RSPO2: variants seen among roughly 807,000 people sequenced by gnomAD.
The protein encoded by RSPO2 is R-spondin 2, also known as R-spondin-2.
A neutral mutation model predicts 30.9 loss-of-function variants in RSPO2; 14 were observed. The ratio of observed to expected loss-of-function variants is 0.45; its 90% CI spans 0.30 to 0.71. The LOEUF (loss-of-function observed/expected upper bound fraction) is 0.71, where lower values mean the gene tolerates loss of function less well. Among genes scored for constraint, RSPO2 ranks in the 30% least tolerant of loss-of-function variants. The pLI is 0.08. For synonymous variants in RSPO2, 107 were observed against 96.4 expected, an observed-to-expected ratio of 1.11 and a Z score of -0.64; for missense variants, 264 against 301.9, an observed-to-expected ratio of 0.87 and a Z score of 0.93.
intron 5 of RSPO2, among the ~76,000 whole-genome samples, chr8:107,956,870 C>T (rs147591993): frequency 1.4e-3 from 210 of 152,252 alleles, no homozygotes; most frequent in African/African-American, 4.5e-3. Flanking sequence ...TGTAAGAAAA[C>T]ATTTTCTTAT....
At chr8:108,034,036 T>C (rs1445655044) in intron 2 of RSPO2, among the ~76,000 whole-genome samples, 1 of 152,182 alleles carries the variant, frequency 6.6e-6, no homozygotes, top group Non-Finnish European at 1.5e-5. Context: ...TGAAAAGTAA[T>C]CTCTCATTAA....
intron 2 of RSPO2, among the ~76,000 whole-genome samples, chr8:107,995,976 C>T (rs1008231127): frequency 2.6e-5 from 4 of 152,158 alleles, no homozygotes; most frequent in Admixed American, 2.6e-4. Context: ...TAAGCTTATA[C>T]TATCTACAAT....
chr8:108,069,930 T>G (rs1812787653), intron 2 of RSPO2, among the ~76,000 whole-genome samples: 1 of 152,188 alleles, frequency 6.6e-6, no homozygotes. Context: ...ATACTTGTCT[T>G]CCAGTCTAGC....
chr8:107,975,797 C>T (rs1024694135), intron 3 of RSPO2, among the ~76,000 whole-genome samples: 3 of 152,154 alleles, frequency 2.0e-5, no homozygotes, highest in African/African-American at 4.8e-5. Flanking sequence ...TCTAGATATA[C>T]GGTTTTATCC....
intron 2 of RSPO2, among the ~76,000 whole-genome samples, chr8:108,075,218 C>T (rs1290957001): frequency 5.9e-5 from 9 of 152,134 alleles, no homozygotes; most frequent in East Asian, 1.9e-4. Flanking sequence ...CGGTGGCTCA[C>T]GCCTGTAATC....
intron 3 of RSPO2, among the ~76,000 whole-genome samples, chr8:107,987,795 G>C (rs887192136): frequency 1.1e-4 from 17 of 152,088 alleles, no homozygotes; most frequent in African/African-American, 3.9e-4. Context: ...ATTGTCCTTG[G>C]TTGATGTAAT....
chr8:107,909,077 C>T (rs1811740306), intron 5 of RSPO2, among the ~76,000 whole-genome samples: 1 of 152,054 alleles, frequency 6.6e-6, no homozygotes, highest in Admixed American at 6.6e-5. Flanking sequence ...GGAAAGACAG[C>T]AAATATACTA....
At chr8:108,077,932 G>T (rs572206360) in intron 2 of RSPO2, among the ~76,000 whole-genome samples, 1 of 152,056 alleles carries the variant, frequency 6.6e-6, no homozygotes, top group Non-Finnish European at 1.5e-5. Context: ...AAATCTGTCT[G>T]TCCCCTACTT....
intron 2 of RSPO2, among the ~76,000 whole-genome samples, chr8:108,030,497 A>G (rs1339624814): frequency 6.6e-6 from 1 of 152,232 alleles, no homozygotes; most frequent in East Asian, 1.9e-4. Context: ...CAAGGGAGGA[A>G]AGCCATAATG....
intron 5 of RSPO2, among the ~76,000 whole-genome samples, chr8:107,935,887 G>A (rs1361626758): frequency 6.6e-6 from 1 of 152,130 alleles, no homozygotes; most frequent in Non-Finnish European, 1.5e-5. Context: ...TGCATAGACT[G>A]TGTAATGATC....
At chr8:107,965,267 C>A (rs1171480826) in intron 3 of RSPO2, among the ~76,000 whole-genome samples, 1 of 152,168 alleles carries the variant, frequency 6.6e-6, no homozygotes, top group Non-Finnish European at 1.5e-5. Context: ...AAATTACTGT[C>A]CAAGTGAAAC....
chr8:107,973,627 C>T (rs1354190609), intron 3 of RSPO2, among the ~76,000 whole-genome samples: 1 of 152,024 alleles, frequency 6.6e-6, no homozygotes, highest in African/African-American at 2.4e-5. Context: ...ATTTCACATG[C>T]TGACTTTATC....
chr8:107,926,026 G>A (rs939852467), intron 5 of RSPO2, among the ~76,000 whole-genome samples: 2 of 152,146 alleles, frequency 1.3e-5, no homozygotes, highest in Non-Finnish European at 2.9e-5. Flanking sequence ...CACCAACAAT[G>A]TAAAAGTGTT....
At chr8:108,051,491 G>A (rs1210654610) in intron 2 of RSPO2, among the ~76,000 whole-genome samples, 2 of 152,174 alleles carry the variant, frequency 1.3e-5, no homozygotes, top group Non-Finnish European at 2.9e-5. Flanking sequence ...GAAATGTTAA[G>A]AACACTACCA....
At chr8:107,989,464 G>A (rs1341438393) in intron 2 of RSPO2, 6 of 480,300 alleles carry the variant, frequency 1.2e-5, no homozygotes, top group Non-Finnish European at 2.2e-5. Context: ...AGGCAGAGTT[G>A]AGGCCAGAAG....
chr8:107,969,419 T>C (rs779350076), intron 3 of RSPO2, among the ~76,000 whole-genome samples: 3 of 152,174 alleles, frequency 2.0e-5, no homozygotes, highest in Non-Finnish European at 4.4e-5. Flanking sequence ...TTCAAACTTT[T>C]GCAATATGCT....
At chr8:108,017,285 G>C (rs1810921634) in intron 2 of RSPO2, among the ~76,000 whole-genome samples, 1 of 152,128 alleles carries the variant, frequency 6.6e-6, no homozygotes, top group African/African-American at 2.4e-5. Context: ...TCAAAGTGCT[G>C]GGATTACAGG....
At chr8:108,005,640 G>A (rs898272231) in intron 2 of RSPO2, among the ~76,000 whole-genome samples, 1 of 152,094 alleles carries the variant, frequency 6.6e-6, no homozygotes, top group Non-Finnish European at 1.5e-5. Flanking sequence ...TTCTAGATTT[G>A]TTCAGTAAGA....
At chr8:107,940,742 G>C (rs950488403) in intron 5 of RSPO2, among the ~76,000 whole-genome samples, 4 of 152,012 alleles carry the variant, frequency 2.6e-5, no homozygotes, top group Admixed American at 1.3e-4. Context: ...GCACAATTTT[G>C]AAAGAAAATT....
Sources: allele counts gnomAD v4.1 joint callset (sites outside exome capture counted in the v4.1 genomes callset), GRCh38; gene constraint gnomAD v4.1.1; transcripts MANE v1.5; gene names NCBI Gene and HGNC (gene_info 2026-07-23, HGNC 2026-07-21).